The following HDAC4 variants were observed in gnomAD, a reference collection of about 807,000 sequenced individuals.
HDAC4 encodes the protein histone deacetylase A.
A neutral mutation model predicts 135.1 loss-of-function variants in HDAC4; 16 were observed. The ratio of observed to expected loss-of-function variants is 0.12; its 90% CI spans 0.08 to 0.18. HDAC4 has a LOEUF of 0.18. HDAC4 is among the 10% of genes least tolerant of loss of function. HDAC4 has a pLI of 1.00. For synonymous variants in HDAC4, 685 were observed against 653.4 expected, an observed-to-expected ratio of 1.05 and a Z score of -0.74; for missense variants, 1,143 against 1,511.8, an observed-to-expected ratio of 0.76 and a Z score of 4.05.
intron 1 of HDAC4, among the ~76,000 whole-genome samples, chr2:239,397,369 C>A (rs1483332146): frequency 6.6e-6 from 1 of 152,208 alleles, no homozygotes; most frequent in African/African-American, 2.4e-5. Flanking sequence ...CAAGCAGGTG[C>A]TCATCTGGCG....
intron 1 of HDAC4, among the ~76,000 whole-genome samples, chr2:239,375,030 A>T (rs1021212004): frequency 6.6e-6 from 1 of 152,170 alleles, no homozygotes; most frequent in Non-Finnish European, 1.5e-5. Flanking sequence ...TGTGAGCTAG[A>T]CAGACTCAGG....
At chr2:239,292,338 G>A (rs75679933) in intron 2 of HDAC4, among the ~76,000 whole-genome samples, 132 of 152,330 alleles carry the variant, frequency 8.7e-4, no homozygotes, top group African/African-American at 3.1e-3. Flanking sequence ...CTCTGCGTTC[G>A]AGGATAAACC....
intron 2 of HDAC4, among the ~76,000 whole-genome samples, chr2:239,283,373 T>C (rs934723294): frequency 2.0e-5 from 3 of 152,208 alleles, no homozygotes; most frequent in Non-Finnish European, 4.4e-5. Context: ...GTACAGGAGC[T>C]GCGGGGCTCC....
chr2:239,368,831 G>A (rs1329747644), intron 1 of HDAC4, among the ~76,000 whole-genome samples: 2 of 152,226 alleles, frequency 1.3e-5, no homozygotes, highest in Non-Finnish European at 2.9e-5. Context: ...TTTGATTCCA[G>A]GTGATAGCCC....
chr2:239,230,456 A>G (rs116395638), intron 3 of HDAC4, among the ~76,000 whole-genome samples: 2,277 of 150,782 alleles, frequency 0.015, 66 homozygotes, highest in African/African-American at 0.053. Flanking sequence ...CGTGGCTGGC[A>G]AGCTGCCGAG....
intron 3 of HDAC4, among the ~76,000 whole-genome samples, chr2:239,214,467 G>A (rs553889231): frequency 1.3e-5 from 2 of 152,312 alleles, no homozygotes; most frequent in Admixed American, 1.3e-4. Context: ...CAGTCACAGG[G>A]GCTGAGGATT....
Position 239,236,629 on chromosome 2 carries a change from G to A in HDAC4, c.58C>T (p.Leu20=), listed in dbSNP as rs1401263117. Residue 20 remains leucine (L), a synonymous_variant, in exon 3 of 27, where the codon CTG becomes TTG. Transcript: ENST00000543185. ...LSGRDQPVEL[L]NPARVNHMPS... is the part of the protein sequence containing the mutation. ...ATGTGGTTCACGCGGGCAGGATTCA[G>A]CAGCTCCACTGGCTGGTCTCGGCCA... The A allele has an allele frequency of 8.4e-6, 13 of 1,551,770 alleles. No homozygotes were observed. In the Admixed American group the frequency reaches 2.5e-4, roughly 30 times the overall value.
intron 7 of HDAC4, among the ~76,000 whole-genome samples, chr2:239,151,651 G>A (rs1408889127): frequency 1.3e-5 from 2 of 152,334 alleles, no homozygotes; most frequent in African/African-American, 4.8e-5. Flanking sequence ...CCTAGGACCA[G>A]CCCAGCCTCC....
At position 239,050,746 on chromosome 2, in the gene HDAC4, A is replaced by G. The variant is rs1574825911; in HGVS notation, c.*2351T>C. ...AACTTCTGCCCCCAAGTCTGAACCC[A>G]ATATACACTTTGGAATGAAACTGGT... On this transcript the variant is annotated 3_prime_UTR_variant, in exon 27 of 27. Transcript: ENST00000543185. The G allele has an allele frequency of 6.5e-6, 1 of 152,744 alleles. No homozygotes were observed. The highest frequency in any genetic ancestry group is 6.5e-5 in the Admixed American group (1 of 15,310). 9.5% of individuals were successfully genotyped at this position (152,744 alleles called of 1,614,324 possible). A position where few individuals can be genotyped will look rare whatever the true frequency, so the allele number is the denominator to read the frequency against.
At chr2:239,140,475 G>C (rs2041286027) in intron 8 of HDAC4, among the ~76,000 whole-genome samples, 1 of 152,094 alleles carries the variant, frequency 6.6e-6, no homozygotes, top group Admixed American at 6.5e-5. Context: ...TGCTATTTTG[G>C]GCACACACAT....
At chr2:239,053,985 A>G (rs1253054507) in intron 25 of HDAC4, among the ~76,000 whole-genome samples, 4 of 150,040 alleles carry the variant, frequency 2.7e-5, no homozygotes, top group African/African-American at 9.9e-5. Flanking sequence ...GAGCTGGGGG[A>G]TTGTCGCTGG....
At chr2:239,235,067 T>G (rs183469441) in intron 3 of HDAC4, among the ~76,000 whole-genome samples, 1 of 152,318 alleles carries the variant, frequency 6.6e-6, no homozygotes, top group Admixed American at 6.5e-5. Context: ...TGCATCTTCA[T>G]CTGGTACTTA....
At position 239,294,938 on chromosome 2, in the gene HDAC4, G is replaced by A. The variant is rs1356949444; in HGVS notation, c.22+57740C>T. Among the ~76,000 whole-genome samples the A allele has an allele frequency of 5.3e-5, 8 of 152,170 alleles. No individual in the cohort carries two copies. In the East Asian group the frequency reaches 1.2e-3, roughly 22 times the overall value. ...GGAGGCCCGGGAGAGACTGTCCAACGGCTTCGGGACAACGCCCGTCTGATA... is the reference window on the plus strand; with the variant it reads ...GGAGGCCCGGGAGAGACTGTCCAACAGCTTCGGGACAACGCCCGTCTGATA... On this transcript the variant is annotated intron_variant, in intron 2 of 26. Coordinates refer to ENST00000543185, the MANE Select transcript of HDAC4 (RefSeq NM_001378414.1).
chr2:239,388,388 G>C (rs1029429270), intron 1 of HDAC4, among the ~76,000 whole-genome samples: 4 of 152,210 alleles, frequency 2.6e-5, no homozygotes, highest in African/African-American at 9.7e-5. Flanking sequence ...AGGCAGATGC[G>C]GTCAGTGCGG....
Position 239,139,789 on chromosome 2 carries a change from C to G in HDAC4, c.873G>C (p.Ala291=). The stretch of plus-strand genomic sequence containing the variant: ...GTCCGGAGCCTGGGGCGCTGCTGCA[C>G]GCGGAGTCTGCGGAGGCAGAAATAC... ...KKRPLDVTDS[A]CSSAPGSGPS... The change falls in exon 9 of 27, where the codon GCG becomes GCC. Residue 291 remains alanine, a synonymous_variant. Transcript: ENST00000543185. The surrounding 1 kb of genome is among the most constrained non-coding windows in gnomAD (Gnocchi z 5.3). 3.1e-6 allele frequency: 5 copies of G among 1,613,658 alleles called. No individual in the cohort carries two copies. Among genetic ancestry groups the G allele is most frequent in the Non-Finnish European group, 4.2e-6 (5 of 1,179,858 alleles).
At chr2:239,164,018 GGGAC>G in intron 5 of HDAC4, 95 bp from the exon 6 acceptor site, 1 of 1,493,468 alleles carries the variant, frequency 6.7e-7, no homozygotes, top group Non-Finnish European at 9.3e-7. Context: ...GGAAGGGCTG[GGGAC>G]GGCTATGCAC....
chr2:239,295,702 CG>C (rs2051846485), intron 2 of HDAC4, among the ~76,000 whole-genome samples: 1 of 152,190 alleles, frequency 6.6e-6, no homozygotes, highest in Non-Finnish European at 1.5e-5. Context: ...TTACCATTCC[CG>C]TTCAGTTTCA....
intron 5 of HDAC4, among the ~76,000 whole-genome samples, chr2:239,175,518 T>C (rs1233538005): frequency 6.6e-6 from 1 of 152,166 alleles, no homozygotes; most frequent in Non-Finnish European, 1.5e-5. Flanking sequence ...TTCTCCTGGA[T>C]AGTATGAAGT....
intron 1 of HDAC4, among the ~76,000 whole-genome samples, chr2:239,369,274 G>T (rs1019678514): frequency 5.3e-5 from 8 of 152,120 alleles, no homozygotes; most frequent in African/African-American, 1.9e-4. Flanking sequence ...TGAGTTTTGG[G>T]TCCCAATAAA....
Sources: gnomAD v4.1 joint callset for allele counts (sites outside exome capture counted in the v4.1 genomes callset) on GRCh38, gnomAD v4.1.1 for gene constraint, Gnocchi (gnomAD v3.1) non-coding constraint, MANE v1.5 for transcripts, NCBI Gene and HGNC (gene_info 2026-07-23, HGNC 2026-07-21) for gene names.